The following LINGO2 variants were observed in gnomAD, a reference collection of about 807,000 sequenced individuals.
The protein encoded by LINGO2 is leucine rich repeat and Ig domain containing 2.
Under a neutral mutation model 30.6 loss-of-function variants are expected in LINGO2, and 14 were observed. The observed-to-expected ratio is 0.46, with a 90% CI of 0.30 to 0.72. LINGO2 has a LOEUF of 0.72. LINGO2 is among the 30% of genes least tolerant of loss of function. The pLI is 0.07. For synonymous variants in LINGO2, 317 were observed against 288.5 expected, an observed-to-expected ratio of 1.10 and a Z score of -1.00; for missense variants, 729 against 751.7, an observed-to-expected ratio of 0.97 and a Z score of 0.35.
At chr9:28,877,585 G>T in the LINGO2 span, among the ~76,000 whole-genome samples, 1 of 152,094 alleles carries the variant, frequency 6.6e-6, no homozygotes, top group Non-Finnish European at 1.5e-5. Context: ...TATTTCTGAG[G>T]GCTCTGTTCT....
chr9:28,769,481 TATATATATATATATATATATATA>T, the LINGO2 span, among the ~76,000 whole-genome samples: 1 of 1,272 alleles, frequency 7.9e-4, no homozygotes, highest in African/African-American at 1.9e-3. Context: ...TATATATATA[TATATATATATATATATATATATA>T]TATATATATA....
the LINGO2 span, among the ~76,000 whole-genome samples, chr9:28,995,733 A>T: frequency 6.6e-6 from 1 of 152,162 alleles, no homozygotes; most frequent in Non-Finnish European, 1.5e-5. Flanking sequence ...ACATGGATGA[A>T]ACTGGAAATC....
chr9:28,940,658 A>G, the LINGO2 span, among the ~76,000 whole-genome samples: 3 of 152,154 alleles, frequency 2.0e-5, no homozygotes, highest in African/African-American at 7.2e-5. Flanking sequence ...AAAACTTTGT[A>G]TGTGCATATG....
intron 2 of LINGO2, among the ~76,000 whole-genome samples, chr9:28,470,314 T>G (rs1180200090): frequency 6.6e-6 from 1 of 152,224 alleles, no homozygotes; most frequent in Admixed American, 6.5e-5. Flanking sequence ...CCTGATAATA[T>G]GGCTTCATAA....
At chr9:28,635,882 G>T (rs1001503911) in intron 1 of LINGO2, among the ~76,000 whole-genome samples, 1 of 152,108 alleles carries the variant, frequency 6.6e-6, no homozygotes, top group Non-Finnish European at 1.5e-5. Context: ...GTACAGGTTT[G>T]TTAAATATGT....
chr9:28,997,279 T>C, the LINGO2 span, among the ~76,000 whole-genome samples: 1 of 151,610 alleles, frequency 6.6e-6, no homozygotes, highest in Non-Finnish European at 1.5e-5. Flanking sequence ...CAAAATAAAA[T>C]AACATAAAAT....
At position 28,148,615 on chromosome 9, in the gene LINGO2, T is replaced by C. The variant is rs1827886911; in HGVS notation, c.-86-136210A>G. 2 of 1,519,488 alleles carry C rather than the reference T, an allele frequency of 1.3e-6. No individual in the cohort carries two copies. The highest frequency in any genetic ancestry group is 1.8e-6 in the Non-Finnish European group (2 of 1,133,096). 94.1% of individuals were successfully genotyped at this position (1,519,488 alleles called of 1,614,324 possible). A position where few individuals can be genotyped will look rare whatever the true frequency, so the allele number is the denominator to read the frequency against. On this transcript the variant is annotated intron_variant, in intron 4 of 5. Transcript: ENST00000379992. This position sits in a 1 kb window ranked among gnomAD's most constrained non-coding sequence, Gnocchi z 5.1. ...ACAATCCCAGGCCCTTGGAGGGAAATGTCCACCTCAAGAGCTTGACAGAAA... is the reference window on the plus strand; with the variant it reads ...ACAATCCCAGGCCCTTGGAGGGAAACGTCCACCTCAAGAGCTTGACAGAAA...
intron 4 of LINGO2, among the ~76,000 whole-genome samples, chr9:28,097,668 C>A (rs1826285151): frequency 8.3e-6 from 1 of 119,884 alleles, no homozygotes; most frequent in Non-Finnish European, 1.6e-5. Context: ...GGGAATATCA[C>A]ACTCTGGGGA....
chr9:28,055,861 T>TA (rs1347020377), intron 4 of LINGO2, among the ~76,000 whole-genome samples: 2 of 152,196 alleles, frequency 1.3e-5, no homozygotes, highest in Non-Finnish European at 1.5e-5. Context: ...TACTTTGGTT[T>TA]CGAAGGAGGC....
At chr9:29,115,875 A>T in the LINGO2 span, among the ~76,000 whole-genome samples, 1 of 152,042 alleles carries the variant, frequency 6.6e-6, no homozygotes, top group Non-Finnish European at 1.5e-5. Context: ...ATATCTAGAA[A>T]AGTCCAAAGA....
chr9:28,887,758 T>TA, the LINGO2 span, among the ~76,000 whole-genome samples: 1 of 152,136 alleles, frequency 6.6e-6, no homozygotes, highest in Non-Finnish European at 1.5e-5. Context: ...CAGAAAGGTC[T>TA]ACTGACCAGT....
the LINGO2 span, among the ~76,000 whole-genome samples, chr9:29,164,213 T>A: frequency 6.6e-6 from 1 of 152,128 alleles, no homozygotes; most frequent in African/African-American, 2.4e-5. Context: ...AAGTGGATTA[T>A]CCACCCCTTA....
intron 3 of LINGO2, among the ~76,000 whole-genome samples, chr9:28,349,313 T>C (rs1316503332): frequency 6.9e-6 from 1 of 145,814 alleles, no homozygotes; most frequent in African/African-American, 2.5e-5. Context: ...AAGGAGCTGA[T>C]GGAGCTGAAA....
intron 3 of LINGO2, among the ~76,000 whole-genome samples, chr9:28,354,234 G>T (rs1382433321): frequency 2.0e-5 from 3 of 152,148 alleles, no homozygotes; most frequent in East Asian, 1.9e-4. Context: ...TGGCTTTTAA[G>T]GTGATACGGT....
chr9:28,382,614 C>G (rs2134637706), intron 2 of LINGO2, among the ~76,000 whole-genome samples: 1 of 152,216 alleles, frequency 6.6e-6, no homozygotes, highest in African/African-American at 2.4e-5. Context: ...TCTTCAACAC[C>G]TAAAATCTTC....
chr9:27,961,636 G>A (rs914561995), intron 5 of LINGO2, among the ~76,000 whole-genome samples: 1 of 152,184 alleles, frequency 6.6e-6, no homozygotes, highest in African/African-American at 2.4e-5. Flanking sequence ...ATGCAAAAGA[G>A]TGATATGATC....
chr9:29,131,599 G>A, the LINGO2 span, among the ~76,000 whole-genome samples: 1 of 151,872 alleles, frequency 6.6e-6, no homozygotes, highest in Non-Finnish European at 1.5e-5. Flanking sequence ...AAACCATTTG[G>A]GACCCAGTAT....
chr9:29,194,876 A>G, the LINGO2 span, among the ~76,000 whole-genome samples: 1 of 152,214 alleles, frequency 6.6e-6, no homozygotes, highest in African/African-American at 2.4e-5. Flanking sequence ...TTTCCTCAGT[A>G]TAACTTGTAC....
intron 2 of LINGO2, among the ~76,000 whole-genome samples, chr9:28,406,305 G>T (rs1193397775): frequency 7.2e-6 from 1 of 139,118 alleles, no homozygotes; most frequent in African/African-American, 2.7e-5. Context: ...GCATGGTGGT[G>T]TACGCCTGTA....
Sources: allele counts gnomAD v4.1 joint callset (sites outside exome capture counted in the v4.1 genomes callset), GRCh38; gene constraint gnomAD v4.1.1; non-coding constraint Gnocchi (gnomAD v3.1); transcripts MANE v1.5; gene names NCBI Gene and HGNC (gene_info 2026-07-23, HGNC 2026-07-21).